The following RFC1 variants were observed in gnomAD, a reference collection of about 807,000 sequenced individuals.
RFC1 encodes the protein replication factor C subunit 1.
RFC1 carries 37 observed loss-of-function variants against 137.4 expected under a neutral mutation model. That is an observed-to-expected ratio of 0.27 (90% CI 0.21 to 0.35). The LOEUF (loss-of-function observed/expected upper bound fraction) is 0.35, where lower values mean the gene tolerates loss of function less well. Ranked by LOEUF, RFC1 falls within the 10% of genes least tolerant of loss-of-function variation. The pLI, the probability that RFC1 is intolerant of heterozygous loss-of-function variation, is 1.00. For missense variants in RFC1, 1,205 were observed against 1,358.5 expected (o/e 0.89, Z 1.78); for synonymous variants, 429 against 455.7 (o/e 0.94, Z 0.75).
chr4:39,324,929 C>A (rs1229399621), intron 6 of RFC1, among the ~76,000 whole-genome samples: 1 of 152,144 alleles, frequency 6.6e-6, no homozygotes, highest in Non-Finnish European at 1.5e-5. Flanking sequence ...AAGCCTGGAA[C>A]CTCTGACAGA....
Position 39,295,691 on chromosome 4 carries a change from TG to T in RFC1, c.2876del (p.Pro959GlnfsTer24), listed in dbSNP as rs749334924. ...RGYMTQFPTF[P>X]SWLGKHSSTG... is the part of the protein sequence containing the mutation. ...TAGACGAGTGCTTCCCCAGCCAGCT[TG>T]GGAAGGTGGGAAACTGGGTCATGTA... is the stretch of plus-strand genomic sequence containing the variant. On this transcript the variant is annotated frameshift_variant, in exon 22 of 25. Coordinates refer to ENST00000349703, the MANE Select transcript of RFC1 (RefSeq NM_002913.5). LOFTEE classifies it high-confidence loss of function. 6.2e-7 allele frequency: 1 copy of T among 1,613,426 alleles called. No homozygotes were observed. The highest frequency in any genetic ancestry group is 8.5e-7 in the Non-Finnish European group (1 of 1,179,480).
chr4:39,311,572 A>G, intron 11 of RFC1, 23 bp from the exon 12 acceptor site: 1 of 1,584,238 alleles, frequency 6.3e-7, no homozygotes, highest in East Asian at 2.2e-5. Context: ...AATGTAAACC[A>G]TCAAAACTGC....
chr4:39,364,441 A>G (rs1273078953), intron 1 of RFC1, among the ~76,000 whole-genome samples: 1 of 152,208 alleles, frequency 6.6e-6, no homozygotes, highest in African/African-American at 2.4e-5. Context: ...TTACCCACTA[A>G]CAACAAAACT....
chr4:39,291,912 G>T, intron 22 of RFC1, 60 bp from the exon 23 acceptor site: 1 of 1,192,824 alleles, frequency 8.4e-7, no homozygotes, highest in Non-Finnish European at 1.3e-6. Context: ...GTCATACTGT[G>T]CATAACAGCA....
chr4:39,344,455 A>G (rs1305222282), intron 3 of RFC1, among the ~76,000 whole-genome samples: 1 of 152,208 alleles, frequency 6.6e-6, no homozygotes, highest in African/African-American at 2.4e-5. Context: ...ACTGGAAAAG[A>G]AATTAATACA....
chr4:39,327,886 C>A, intron 4 of RFC1, 130 bp from the exon 5 acceptor site: 1 of 680,612 alleles, frequency 1.5e-6, no homozygotes, highest in Non-Finnish European at 2.4e-6. Context: ...AATCCCAGCA[C>A]TTTTGGAGAC....
intron 19 of RFC1, among the ~76,000 whole-genome samples, chr4:39,301,919 T>C (rs1451702452): frequency 1.3e-5 from 2 of 152,240 alleles, no homozygotes; most frequent in Non-Finnish European, 1.5e-5. Context: ...ATACCTCTAG[T>C]TTCAGAGAGG....
chr4:39,349,727 G>A (rs757647868), intron 2 of RFC1, among the ~76,000 whole-genome samples: 14 of 152,126 alleles, frequency 9.2e-5, no homozygotes, highest in African/African-American at 2.7e-4. Flanking sequence ...CTACTAGGCC[G>A]GGCACGGTGG....
At chr4:39,319,866 C>T (rs2109664838) in intron 9 of RFC1, among the ~76,000 whole-genome samples, 1 of 152,244 alleles carries the variant, frequency 6.6e-6, no homozygotes, top group South Asian at 2.1e-4. Context: ...GATTCACATC[C>T]TGGGTGAGAT....
chr4:39,337,181 C>T (rs1740396206), intron 4 of RFC1, among the ~76,000 whole-genome samples: 1 of 152,058 alleles, frequency 6.6e-6, no homozygotes, highest in African/African-American at 2.4e-5. Flanking sequence ...TCGAGACCAG[C>T]CTGACCAACA....
intron 24 of RFC1, chr4:39,289,462 G>A (rs3796513): frequency 0.49 from 88,360 of 179,478 alleles, 23,649 homozygotes; most frequent in African/African-American, 0.73. Context: ...CCCATCAAAA[G>A]ACAAGAATGT....
chr4:39,348,969 A>T (rs1293476261), intron 2 of RFC1, among the ~76,000 whole-genome samples: 2 of 152,076 alleles, frequency 1.3e-5, no homozygotes, highest in African/African-American at 4.8e-5. Flanking sequence ...CTCCCTTCTG[A>T]TTTCTCCTCT....
intron 2 of RFC1, among the ~76,000 whole-genome samples, chr4:39,347,298 C>T (rs866817318): frequency 6.6e-6 from 1 of 152,200 alleles, no homozygotes; most frequent in Admixed American, 6.5e-5. Flanking sequence ...CAGCTGAAAG[C>T]CTGGAAAGAA....
chr4:39,337,993 G>T (rs1740442481), intron 4 of RFC1, among the ~76,000 whole-genome samples: 1 of 152,046 alleles, frequency 6.6e-6, no homozygotes. Flanking sequence ...CAAACAACAG[G>T]CCCTGATGAA....
chr4:39,351,275 A>C lies in RFC1; in HGVS notation c.132+73T>G, dbSNP rs933440410. The C allele has an allele frequency of 4.2e-5, 26 of 612,354 alleles. No individual in the cohort carries two copies. The East Asian group carries it at 5.8e-4, about 14-fold the overall frequency. 37.9% of individuals were successfully genotyped at this position (612,354 alleles called of 1,614,324 possible). A position where few individuals can be genotyped will look rare whatever the true frequency, so the allele number is the denominator to read the frequency against. On this transcript the variant is annotated intron_variant, in intron 2 of 24. Transcript: ENST00000349703. ...CAGGAAAAAAAAAAAAAAAAAAAAA[A>C]AAAAAAAAAACTTATAAGAACTGAG...
At chr4:39,355,591 C>A (rs1392323652) in intron 1 of RFC1, among the ~76,000 whole-genome samples, 1 of 152,152 alleles carries the variant, frequency 6.6e-6, no homozygotes, top group African/African-American at 2.4e-5. Flanking sequence ...CACAAATAAG[C>A]AGATAAGTTA....
chr4:39,303,346 CCCCTTCCCCTGCAGACCCCAATT>C (rs1738468333), intron 15 of RFC1, among the ~76,000 whole-genome samples, 195 bp from the exon 16 acceptor site: 1 of 151,784 alleles, frequency 6.6e-6, no homozygotes, highest in African/African-American at 2.4e-5. Flanking sequence ...CTCCCTGCCA[CCCCTTCCCCTGCAGACCCCAATT>C]CCCTTCCCAG....
At chr4:39,343,215 G>A (rs929003492) in intron 3 of RFC1, among the ~76,000 whole-genome samples, 9 of 151,946 alleles carry the variant, frequency 5.9e-5, no homozygotes, top group Non-Finnish European at 1.0e-4. Flanking sequence ...TAGAGACAGG[G>A]TTTTACTATG....
intron 21 of RFC1, among the ~76,000 whole-genome samples, chr4:39,298,307 CAAAAAA>C (rs55727769): frequency 0.34 from 37,675 of 111,064 alleles, 5,540 homozygotes; most frequent in African/African-American, 0.38. Context: ...GACCTTGTCT[CAAAAAA>C]AAAAAAAAAA....
Sources: gnomAD v4.1 joint callset for allele counts (sites outside exome capture counted in the v4.1 genomes callset) on GRCh38, gnomAD v4.1.1 for gene constraint, MANE v1.5 for transcripts, NCBI Gene and HGNC (gene_info 2026-07-23, HGNC 2026-07-21) for gene names.